Variants in NR2F1 observed in about 807,000 individuals in gnomAD.
The protein encoded by NR2F1 is COUP transcription factor 1.
A neutral mutation model predicts 37.7 loss-of-function variants in NR2F1; 1 was observed. The observed-to-expected ratio is 0.03, with a 90% confidence interval of 0.01 to 0.13. NR2F1 has a LOEUF of 0.13. Ranked by LOEUF, NR2F1 falls within the 10% of genes least tolerant of loss-of-function variation. The probability of loss-of-function intolerance (pLI) is 1.00; values close to 1 mark genes in which losing one functional copy is unlikely to be tolerated. For missense variants in NR2F1, 268 were observed against 578.4 expected (o/e 0.46, Z 5.50); for synonymous variants, 275 against 259.6 (o/e 1.06, Z -0.57).
chr5:93,584,864 C>T lies in NR2F1; in HGVS notation c.-160C>T, dbSNP rs1168956920. 18 of 159,904 alleles carry T rather than the reference C, an allele frequency of 1.1e-4. No individual in the cohort carries two copies. Among genetic ancestry groups the T allele is most frequent in the Non-Finnish European group, 1.8e-4 (14 of 77,076 alleles). 9.9% of individuals were successfully genotyped at this position (159,904 alleles called of 1,614,324 possible). A position where few individuals can be genotyped will look rare whatever the true frequency, so the allele number is the denominator to read the frequency against. ...GGCGGCGGAGGCAGCGGCCGGTGTC[C>T]GGCTCGGGCTCGGCTCCTGCGACCC... On this transcript the variant is annotated 5_prime_UTR_variant, in exon 1 of 3. Coordinates refer to ENST00000327111, the MANE Select transcript of NR2F1 (RefSeq NM_005654.6).
At position 93,585,503 on chromosome 5, in the gene NR2F1, T is replaced by C; in HGVS notation, c.463+17T>C. The stretch of plus-strand genomic sequence containing the variant: ...GGCGGGAAGGTGAATATTTCTTCTC[T>C]GCTTCTCTCCCCGCGCTTCGCCCGC... On this transcript the variant is annotated intron_variant, in intron 1 of 2. Transcript: ENST00000327111. The C allele has an allele frequency of 6.3e-7, 1 of 1,592,486 alleles. No individual in the cohort carries two copies. The highest frequency in any genetic ancestry group is 8.6e-7 in the Non-Finnish European group (1 of 1,161,904).
At chr5:93,589,850 G>C (rs1753301419) in intron 2 of NR2F1, among the ~76,000 whole-genome samples, 1 of 152,230 alleles carries the variant, frequency 6.6e-6, no homozygotes, top group Admixed American at 6.5e-5. Context: ...ATTTAGACAA[G>C]AGCATCTCAT....
intron 1 of NR2F1, 33 bp from the exon 2 acceptor site, chr5:93,587,884 A>G: frequency 6.5e-7 from 1 of 1,538,968 alleles, no homozygotes; most frequent in Non-Finnish European, 8.8e-7. Flanking sequence ...CCCTGGATGC[A>G]CATTGCCTCT....
At position 93,593,434 on chromosome 5, in the gene NR2F1, C is replaced by G. The variant is rs1192172679; in HGVS notation, c.992-128C>G. 9.9e-7 allele frequency: 1 copy of G among 1,007,792 alleles called. No homozygotes were observed. Among genetic ancestry groups the G allele is most frequent in the South Asian group, 1.6e-5 (1 of 63,676 alleles). The allele number at this position is 1,007,792 out of a possible 1,614,324, so 62.4% of individuals were successfully genotyped here. A position where few individuals can be genotyped will look rare whatever the true frequency, so the allele number is the denominator to read the frequency against. On this transcript the variant is annotated intron_variant, in intron 2 of 2. Transcript: ENST00000327111. This position sits in a 1 kb window ranked among gnomAD's most constrained non-coding sequence, Gnocchi z 5.6. ...ATAGGAGGGTGAATTTTTCTTTTCT[C>G]TTTTACTTCTTTTTTATTTTCCATT...
At position 93,584,416 on chromosome 5, in the gene NR2F1, G is replaced by A. The variant is rs1267735596; in HGVS notation, c.-608G>A. The A allele has an allele frequency of 1.4e-5, 2 of 148,008 alleles. No individual in the cohort carries two copies. Among genetic ancestry groups the A allele is most frequent in the Non-Finnish European group, 3.0e-5 (2 of 66,442 alleles). 9.2% of individuals were successfully genotyped at this position (148,008 alleles called of 1,614,324 possible). ...CCGAGCGGCCGGCGGGCGGGCGCCCGGCGCGGGTGAGCGACTGTGTGTGCG... is the reference window on the plus strand; with the variant it reads ...CCGAGCGGCCGGCGGGCGGGCGCCCAGCGCGGGTGAGCGACTGTGTGTGCG... On this transcript the variant is annotated 5_prime_UTR_variant, in exon 1 of 3. Transcript: ENST00000327111.
chr5:93,591,741 A>G (rs539433241), intron 2 of NR2F1, among the ~76,000 whole-genome samples: 3 of 152,100 alleles, frequency 2.0e-5, no homozygotes, highest in Admixed American at 1.3e-4. Context: ...TGCATTGTCT[A>G]GGGCTGAGAA....
At chr5:93,589,635 A>G (rs1246643192) in intron 2 of NR2F1, among the ~76,000 whole-genome samples, 2 of 152,274 alleles carry the variant, frequency 1.3e-5, no homozygotes, top group African/African-American at 2.4e-5. Flanking sequence ...CCAATGGCCA[A>G]ATTAAAACCA....
chr5:93,588,732 G>A (rs1196425878), intron 2 of NR2F1, among the ~76,000 whole-genome samples: 5 of 151,608 alleles, frequency 3.3e-5, no homozygotes, highest in African/African-American at 9.7e-5. Context: ...GCTGCCGAGG[G>A]TGTGTGTCTG....
At chr5:93,589,474 A>T (rs1452780425) in intron 2 of NR2F1, among the ~76,000 whole-genome samples, 1 of 152,254 alleles carries the variant, frequency 6.6e-6, no homozygotes, top group East Asian at 1.9e-4. Context: ...GCTGGTGGCA[A>T]GTAGTGCTGC....
intron 2 of NR2F1, among the ~76,000 whole-genome samples, chr5:93,592,910 G>A (rs1228027191): frequency 6.6e-6 from 1 of 151,954 alleles, no homozygotes; most frequent in Non-Finnish European, 1.5e-5. Flanking sequence ...CATAGATAAC[G>A]GATCTGAAAT....
Position 93,588,098 on chromosome 5 carries a change from C to T in NR2F1, c.645C>T (p.Gly215=), listed in dbSNP as rs1753263502. ...GCATGCAGCCCAACAACATTATGGG[C>T]ATCGAGAACATCTGCGAGCTGGCCG... ...SQCMQPNNIM[G]IENICELAAR... The change falls in exon 2 of 3, where the codon GGC becomes GGT. Residue 215 remains glycine, a synonymous_variant. Coordinates refer to ENST00000327111, the MANE Select transcript of NR2F1 (RefSeq NM_005654.6). 3 of 1,614,182 alleles carry T rather than the reference C, an allele frequency of 1.9e-6. No individual in the cohort carries two copies. The East Asian group carries it at 6.7e-5, about 36-fold the overall frequency.
At chr5:93,585,578 T>C in intron 1 of NR2F1, 92 bp downstream of exon 1, 2 of 1,038,298 alleles carry the variant, frequency 1.9e-6, no homozygotes, top group Non-Finnish European at 2.8e-6. Context: ...TGTGTGGGGC[T>C]GGGGCTCCTG....
At position 93,588,058 on chromosome 5, in the gene NR2F1, G is replaced by C; in HGVS notation, c.605G>C (p.Arg202Pro). Residue 202 changes from arginine to proline, a missense_variant, in exon 2 of 3, where the codon CGC becomes CCC. Arg to Pro is a moderately radical substitution (Grantham distance 103). Around this residue, in one of 5 missense-constraint regions of NR2F1, gnomAD observed 42 missense variants for 72.5 expected, o/e 0.58. Transcript: ENST00000327111. Reference sequence around the variant, plus strand: ...CGCGCCGAGCCCTACCCCACGTCGCGCTACGGCAGCCAGTGCATGCAGCCC... The same window carrying C: ...CGCGCCGAGCCCTACCCCACGTCGCCCTACGGCAGCCAGTGCATGCAGCCC... ...LLRAEPYPTS[R>P]YGSQCMQPNN... 1 of 1,614,060 alleles carries C rather than the reference G, an allele frequency of 6.2e-7. No homozygotes were observed. The highest frequency in any genetic ancestry group is 8.5e-7 in the Non-Finnish European group (1 of 1,180,004).
Position 93,593,897 on chromosome 5 carries a change from G to T in NR2F1, c.*55G>T. ...CCCTAGAGACTCAGAGGACCCACCT[G>T]GGCCAAGGACTCCAAAGCCGCGGGG... On this transcript the variant is annotated 3_prime_UTR_variant, in exon 3 of 3. Transcript: ENST00000327111. The surrounding 1 kb of genome is among the most constrained non-coding windows in gnomAD (Gnocchi z 5.6). 1 of 1,556,924 alleles carries T rather than the reference G, an allele frequency of 6.4e-7. No individual in the cohort carries two copies. Among genetic ancestry groups the T allele is most frequent in the Non-Finnish European group, 8.7e-7 (1 of 1,143,906 alleles).
intron 2 of NR2F1, among the ~76,000 whole-genome samples, chr5:93,588,838 G>T (rs538670051): frequency 1.3e-5 from 2 of 152,106 alleles, no homozygotes; most frequent in African/African-American, 4.8e-5. Flanking sequence ...TGTGTGTGGT[G>T]CGTGTTATGT....
rs1172797325 is a variant in NR2F1, at chr5:93,583,934, A to G, written c.-1090A>G. The G allele has an allele frequency of 6.6e-6, 1 of 152,360 alleles. No individual in the cohort carries two copies. Among genetic ancestry groups the G allele is most frequent in the Non-Finnish European group, 1.5e-5 (1 of 68,030 alleles). 9.4% of individuals were successfully genotyped at this position (152,360 alleles called of 1,614,324 possible). ...CCTCCCGAAAGAAGAAGGCAGCGAG[A>G]GCCCGGCGCCACCGGCACAACAAAA... On this transcript the variant is annotated 5_prime_UTR_variant, in exon 1 of 3. Transcript: ENST00000327111.
intron 2 of NR2F1, among the ~76,000 whole-genome samples, 181 bp downstream of exon 2, chr5:93,588,625 G>A (rs919726009): frequency 1.3e-5 from 2 of 149,886 alleles, no homozygotes; most frequent in African/African-American, 4.9e-5. Context: ...CCGCGCCGCT[G>A]CCATCTTGGG....
chr5:93,587,950 C>A lies in NR2F1; in HGVS notation c.497C>A (p.Pro166His). The change falls in exon 2 of 3, where the codon CCC becomes CAC. Residue 166 changes from proline (P) to histidine (H), a missense_variant. Physicochemically the swap from Pro to His is moderately conservative, Grantham distance 77 (BLOSUM62 -2). Transcript: ENST00000327111. ...VQRGRMPPTQ[P>H]NPGQYALTNG... ...CGAGGAAGAATGCCTCCAACCCAGC[C>A]CAATCCAGGCCAGTACGCACTCACC... 2 of 1,596,318 alleles carry A rather than the reference C, an allele frequency of 1.3e-6. No individual in the cohort carries two copies. Among genetic ancestry groups the A allele is most frequent in the Non-Finnish European group, 1.7e-6 (2 of 1,167,986 alleles).
rs1753269842 is a variant in NR2F1 at position 93,588,462 on chromosome 5, G to A, written c.991+18G>A. The A allele has an allele frequency of 2.0e-6, 3 of 1,530,460 alleles. No homozygotes were observed. The highest frequency in any genetic ancestry group is 1.4e-5 in the African/African-American group (1 of 72,066). 94.8% of individuals were successfully genotyped at this position (1,530,460 alleles called of 1,614,324 possible). Reference sequence around the variant, plus strand: ...CACGTCAGGTGAGGCTGCGGTCGCGGGGAGGGCAGGCCGCGCCGGCAGCGA... The same window carrying A: ...CACGTCAGGTGAGGCTGCGGTCGCGAGGAGGGCAGGCCGCGCCGGCAGCGA... On this transcript the variant is annotated intron_variant, in intron 2 of 2. Coordinates refer to ENST00000327111, the MANE Select transcript of NR2F1 (RefSeq NM_005654.6).
Sources: gnomAD v4.1 joint callset for allele counts (sites outside exome capture counted in the v4.1 genomes callset) on GRCh38, gnomAD v4.1.1 for gene constraint, gnomAD v4.1.1 regional missense constraint, Gnocchi (gnomAD v3.1) non-coding constraint, MANE v1.5 for transcripts, NCBI Gene and HGNC (gene_info 2026-07-23, HGNC 2026-07-21) for gene names.